Variants in DOK6 observed in about 807,000 individuals in gnomAD.
DOK6 encodes the protein docking protein 6, also known as downstream of tyrosine kinase 6.
A neutral mutation model predicts 44.0 loss-of-function variants in DOK6; 22 were observed. The ratio of observed to expected loss-of-function variants is 0.50; its 90% confidence interval spans 0.36 to 0.71. The LOEUF is 0.71. DOK6 is among the 30% of genes least tolerant of loss of function. The probability of loss-of-function intolerance (pLI) is 0.00; values close to 1 mark genes in which losing one functional copy is unlikely to be tolerated. For synonymous variants in DOK6, 166 were observed against 145.5 expected, an observed-to-expected ratio of 1.14 and a Z score of -1.01; for missense variants, 340 against 416.4, an observed-to-expected ratio of 0.82 and a Z score of 1.60.
At chr18:69,496,280 A>G (rs1980886386) in intron 1 of DOK6, among the ~76,000 whole-genome samples, 1 of 152,324 alleles carries the variant, frequency 6.6e-6, no homozygotes, top group Admixed American at 6.5e-5. Flanking sequence ...TGCTTTGTGG[A>G]GTGGGATGCC....
Position 69,610,682 on chromosome 18 carries a change from G to A in DOK6, c.289+11184G>A, listed in dbSNP as rs1984117448. Among the ~76,000 whole-genome samples, 6 of 151,882 alleles carry A rather than the reference G, an allele frequency of 4.0e-5. No individual in the cohort carries two copies. The South Asian group carries it at 1.2e-3, about 32-fold the overall frequency. On this transcript the variant is annotated intron_variant, in intron 3 of 7. Transcript: ENST00000382713. ...ACGGTGAATTGAAAATATTTCAGAA[G>A]AAAAATAACAATACACCAATAAAAA...
At position 69,402,307 on chromosome 18, in the gene DOK6, C is replaced by T. The variant is rs376916138; in HGVS notation, c.66+997C>T. On this transcript the variant is annotated intron_variant, in intron 1 of 7. Coordinates refer to ENST00000382713, the MANE Select transcript of DOK6 (RefSeq NM_152721.6). ...CTCCAACTTCCAGTTCTACCAAGCT[C>T]CTGCCTCCCGGGGCAAAGGGTCCTT... Among the ~76,000 whole-genome samples the T allele has an allele frequency of 3.3e-5, 5 of 152,310 alleles. No homozygotes were observed. The South Asian group carries it at 1.0e-3, about 32-fold the overall frequency.
intron 3 of DOK6, among the ~76,000 whole-genome samples, chr18:69,601,383 T>A (rs990059334): frequency 6.6e-6 from 1 of 152,216 alleles, no homozygotes; most frequent in African/African-American, 2.4e-5. Context: ...TAAATGTCAG[T>A]CTCTATAATA....
chr18:69,619,499 A>G (rs1984390659), intron 3 of DOK6, among the ~76,000 whole-genome samples: 1 of 152,230 alleles, frequency 6.6e-6, no homozygotes, highest in Non-Finnish European at 1.5e-5. Context: ...TCGGCACTAC[A>G]TGCCTCTTGG....
At chr18:69,613,379 C>A (rs1352788609) in intron 3 of DOK6, among the ~76,000 whole-genome samples, 1 of 152,006 alleles carries the variant, frequency 6.6e-6, no homozygotes, top group Admixed American at 6.6e-5. Context: ...AAAAGGAGAG[C>A]CCTTCTTTCT....
chr18:69,459,107 CCCA>C, intron 1 of DOK6, among the ~76,000 whole-genome samples: 1 of 139,818 alleles, frequency 7.2e-6, no homozygotes, highest in African/African-American at 2.6e-5. Context: ...CAACCCCCCC[CCCA>C]AAAAAAAGGA....
chr18:69,675,418 C>T (rs1485168295), intron 3 of DOK6, among the ~76,000 whole-genome samples: 2 of 152,120 alleles, frequency 1.3e-5, no homozygotes, highest in Non-Finnish European at 2.9e-5. Flanking sequence ...TATTTTCATC[C>T]TTATCTGTAG....
At chr18:69,645,636 A>G (rs1421188317) in intron 3 of DOK6, among the ~76,000 whole-genome samples, 1 of 152,144 alleles carries the variant, frequency 6.6e-6, no homozygotes, top group Non-Finnish European at 1.5e-5. Context: ...AAAAAAATGC[A>G]TTCTTACTAT....
At chr18:69,577,969 A>T (rs1311202386) in intron 2 of DOK6, among the ~76,000 whole-genome samples, 2 of 152,242 alleles carry the variant, frequency 1.3e-5, no homozygotes, top group East Asian at 3.9e-4. Context: ...CCATTTCTCC[A>T]CAGCAGTTAT....
At chr18:69,687,673 C>G (rs1267474786) in intron 4 of DOK6, among the ~76,000 whole-genome samples, 1 of 152,162 alleles carries the variant, frequency 6.6e-6, no homozygotes, top group South Asian at 2.1e-4. Context: ...AAGCTAGATT[C>G]TTTCTCAAAC....
intron 1 of DOK6, among the ~76,000 whole-genome samples, chr18:69,559,030 T>C (rs1982761404): frequency 6.6e-6 from 1 of 152,166 alleles, no homozygotes; most frequent in African/African-American, 2.4e-5. Context: ...AAACAGTCTA[T>C]TACATAGAAT....
intron 7 of DOK6, among the ~76,000 whole-genome samples, chr18:69,808,335 A>G (rs962236181): frequency 7.9e-5 from 12 of 151,786 alleles, no homozygotes; most frequent in African/African-American, 2.9e-4. Context: ...ACCAAAAAAG[A>G]AGAAATGTTT....
At chr18:69,646,662 G>A (rs1202303042) in intron 3 of DOK6, among the ~76,000 whole-genome samples, 1 of 152,116 alleles carries the variant, frequency 6.6e-6, no homozygotes, top group Non-Finnish European at 1.5e-5. Flanking sequence ...TTGTTTAGGA[G>A]CATTACTTTT....
At chr18:69,633,319 G>GA (rs1399059481) in intron 3 of DOK6, among the ~76,000 whole-genome samples, 2 of 152,164 alleles carry the variant, frequency 1.3e-5, no homozygotes, top group Non-Finnish European at 2.9e-5. Context: ...GATAGTTTAA[G>GA]AAATTGTCGA....
chr18:69,465,028 AC>A (rs768429479), intron 1 of DOK6, among the ~76,000 whole-genome samples: 67 of 152,274 alleles, frequency 4.4e-4, no homozygotes, highest in Non-Finnish European at 2.1e-4. Flanking sequence ...AAGAAGTTAG[AC>A]CTTTGTTCAT....
intron 1 of DOK6, among the ~76,000 whole-genome samples, chr18:69,524,526 TAG>T (rs1981775334): frequency 6.6e-6 from 1 of 151,954 alleles, no homozygotes; most frequent in African/African-American, 2.4e-5. Flanking sequence ...TAGTGACTTT[TAG>T]TTGGCTAAAT....
chr18:69,560,451 A>C (rs889657212), intron 1 of DOK6, among the ~76,000 whole-genome samples: 4 of 152,112 alleles, frequency 2.6e-5, no homozygotes, highest in African/African-American at 9.7e-5. Flanking sequence ...CAATATAAAT[A>C]GTTATATTGC....
intron 1 of DOK6, among the ~76,000 whole-genome samples, chr18:69,436,151 T>C (rs1978970962): frequency 6.7e-6 from 1 of 150,258 alleles, no homozygotes; most frequent in Non-Finnish European, 1.5e-5. Flanking sequence ...TTTGTCTTGA[T>C]ACATATACGA....
At chr18:69,674,672 G>A (rs930513726) in intron 3 of DOK6, among the ~76,000 whole-genome samples, 2 of 151,756 alleles carry the variant, frequency 1.3e-5, no homozygotes, top group East Asian at 1.9e-4. Context: ...ATACACGCAC[G>A]CTCACTAACA....
Sources: allele counts gnomAD v4.1 joint callset (sites outside exome capture counted in the v4.1 genomes callset), GRCh38; gene constraint gnomAD v4.1.1; transcripts MANE v1.5; gene names NCBI Gene and HGNC (gene_info 2026-07-23, HGNC 2026-07-21).